SLC30A7: variants seen among roughly 807,000 people sequenced by gnomAD.
The protein encoded by SLC30A7 is solute carrier family 30 member 7.
A neutral mutation model predicts 46.0 loss-of-function variants in SLC30A7; 35 were observed. The observed-to-expected ratio is 0.76, with a 90% CI of 0.58 to 1.01. SLC30A7 has a LOEUF of 1.01. SLC30A7 is among the 50% of genes least tolerant of loss of function. The pLI, the probability that SLC30A7 is intolerant of heterozygous loss-of-function variation, is 0.00. For missense variants in SLC30A7, 464 were observed against 451.1 expected (o/e 1.03, Z -0.26); for synonymous variants, 147 against 157.8 (o/e 0.93, Z 0.51).
At position 100,918,279 on chromosome 1, in the gene SLC30A7, A is replaced by G. The variant is rs1652720604; in HGVS notation, c.706+152A>G. 6 of 562,576 alleles carry G rather than the reference A, an allele frequency of 1.1e-5. No homozygotes were observed. The South Asian group carries it at 1.2e-4, about 11-fold the overall frequency. The allele number at this position is 562,576 out of a possible 1,614,324, so 34.8% of individuals were successfully genotyped here. A position where few individuals can be genotyped will look rare whatever the true frequency, so the allele number is the denominator to read the frequency against. On this transcript the variant is annotated intron_variant, in intron 7 of 10. Transcript: ENST00000357650. ...TTCTAGTGATTGTTTTTTATATACT[A>G]TTAGATATATTAGCAGACATTCTTT...
chr1:100,983,282 C>CT (rs368437497), downstream of SLC30A7, among the ~76,000 whole-genome samples: 2 of 148,204 alleles, frequency 1.3e-5, no homozygotes, highest in Admixed American at 6.9e-5. Flanking sequence ...CAATTTACTA[C>CT]TTTTTTTCAT....
chr1:100,982,072 C>G (rs78707545), downstream of SLC30A7, among the ~76,000 whole-genome samples: 3 of 152,160 alleles, frequency 2.0e-5, no homozygotes, highest in Non-Finnish European at 4.4e-5. Context: ...TCTTATATGA[C>G]GTGAAGACCA....
In SLC30A7 at chr1:100,961,903, T is replaced by C; in HGVS notation, c.918T>C (p.Pro306=). The C allele has an allele frequency of 1.3e-6, 2 of 1,598,168 alleles. No individual in the cohort carries two copies. The highest frequency in any genetic ancestry group is 1.7e-6 in the Non-Finnish European group (2 of 1,168,742). ...CTCCCCTATTAGAAAATAGTCTGCCTCAGTGCTATCAGAGGGTGAGTTTCA... is the reference window on the plus strand; with the variant it reads ...CTCCCCTATTAGAAAATAGTCTGCCCCAGTGCTATCAGAGGGTGAGTTTCA... ...RTPPLLENSL[P]QCYQRVQQLQ... is the part of the protein sequence containing the mutation. Residue 306 remains proline (P), a synonymous_variant, in exon 9 of 11, where the codon CCT becomes CCC. Coordinates refer to ENST00000357650, the MANE Select transcript of SLC30A7 (RefSeq NM_133496.5).
chr1:100,947,027 G>A (rs1039293719), intron 8 of SLC30A7, among the ~76,000 whole-genome samples: 3 of 152,160 alleles, frequency 2.0e-5, no homozygotes, highest in Admixed American at 6.5e-5. Context: ...GGGTGTATGT[G>A]TCAAGGAATT....
rs1656907859 is a variant in SLC30A7 at position 100,981,129 on chromosome 1, A to T, written c.*6272A>T. 6.6e-6 allele frequency: 1 copy of T among 151,674 alleles called. No individual in the cohort carries two copies. Among genetic ancestry groups the T allele is most frequent in the African/African-American group, 2.4e-5 (1 of 41,290 alleles). The allele number at this position is 151,674 out of a possible 1,614,324, so 9.4% of individuals were successfully genotyped here. A position where few individuals can be genotyped will look rare whatever the true frequency, so the allele number is the denominator to read the frequency against. ...CTTCTACTTTATACTAGCGGGGAAA[A>T]TTTTTTTATTTAGAATTTTAATATT... On this transcript the variant is annotated 3_prime_UTR_variant, in exon 11 of 11. Transcript: ENST00000357650.
At chr1:100,958,366 C>T (rs1341915135) in intron 8 of SLC30A7, among the ~76,000 whole-genome samples, 1 of 152,070 alleles carries the variant, frequency 6.6e-6, no homozygotes, top group Non-Finnish European at 1.5e-5. Context: ...TTAGTGGAGA[C>T]GGGATTTCAC....
At chr1:100,940,284 A>G (rs1357677487) in intron 8 of SLC30A7, among the ~76,000 whole-genome samples, 1 of 152,226 alleles carries the variant, frequency 6.6e-6, no homozygotes, top group African/African-American at 2.4e-5. Flanking sequence ...AGTGTTTTAA[A>G]AGTAAAACAT....
At position 100,896,355 on chromosome 1, in the gene SLC30A7, G is replaced by A. The variant is rs781082360; in HGVS notation, c.80+13G>A. ...CGGGCTGGTTTAGGTGCGGGGTGCT[G>A]TGTTTGCGGGGAGGGGGTGTCCGGC... On this transcript the variant is annotated intron_variant, in intron 1 of 10. Coordinates refer to ENST00000357650, the MANE Select transcript of SLC30A7 (RefSeq NM_133496.5). The A allele has an allele frequency of 6.2e-7, 1 of 1,613,978 alleles. No homozygotes were observed. Among genetic ancestry groups the A allele is most frequent in the Non-Finnish European group, 8.5e-7 (1 of 1,179,942 alleles).
At chr1:100,985,504 C>T (rs1302558926), downstream of SLC30A7, among the ~76,000 whole-genome samples, 2 of 152,210 alleles carry the variant, frequency 1.3e-5, no homozygotes, top group Non-Finnish European at 2.9e-5. Flanking sequence ...ACCACACCAC[C>T]TGTTTTTAAG....
At chr1:100,982,543 CT>C (rs1406323288), downstream of SLC30A7, among the ~76,000 whole-genome samples, 2 of 152,196 alleles carry the variant, frequency 1.3e-5, no homozygotes. Flanking sequence ...AAGCAATGCC[CT>C]GTCACCTCCA....
At chr1:100,923,017 T>C (rs1653046098) in intron 8 of SLC30A7, among the ~76,000 whole-genome samples, 1 of 103,448 alleles carries the variant, frequency 9.7e-6, no homozygotes, top group Non-Finnish European at 2.1e-5. Flanking sequence ...TTTTTTTTTT[T>C]TTTTTTTTTT....
At chr1:100,928,802 C>CA (rs1653482028) in intron 8 of SLC30A7, among the ~76,000 whole-genome samples, 1 of 152,088 alleles carries the variant, frequency 6.6e-6, no homozygotes, top group Non-Finnish European at 1.5e-5. Flanking sequence ...TCTTTACAAT[C>CA]ATTTTTAGGC....
At chr1:100,994,920 C>T in the SLC30A7 span, among the ~76,000 whole-genome samples, 73 of 152,246 alleles carry the variant, frequency 4.8e-4, no homozygotes, top group Middle Eastern at 3.4e-3. Context: ...GTGTTGAATC[C>T]ACAAAATATA....
At chr1:100,947,375 G>A (rs1469873266) in intron 8 of SLC30A7, among the ~76,000 whole-genome samples, 2 of 152,192 alleles carry the variant, frequency 1.3e-5, no homozygotes, top group Non-Finnish European at 2.9e-5. Context: ...TTTTGAGTGA[G>A]TTTCTTAATC....
chr1:100,966,846 C>CT (rs751346067), intron 10 of SLC30A7, among the ~76,000 whole-genome samples: 2 of 152,178 alleles, frequency 1.3e-5, no homozygotes, highest in Non-Finnish European at 2.9e-5. Context: ...TAAAAGCAGA[C>CT]TGTTAACTTT....
At chr1:100,968,900 A>T (rs762533838) in intron 10 of SLC30A7, among the ~76,000 whole-genome samples, 10 of 152,246 alleles carry the variant, frequency 6.6e-5, no homozygotes, top group Non-Finnish European at 1.0e-4. Context: ...ATCTTTATAT[A>T]TGCTAAGTAT....
At chr1:100,908,441 A>G (rs1177412249) in intron 3 of SLC30A7, among the ~76,000 whole-genome samples, 4 of 152,214 alleles carry the variant, frequency 2.6e-5, no homozygotes, top group Non-Finnish European at 5.9e-5. Context: ...TAATAGCTAT[A>G]TATTGTGACA....
chr1:100,993,559 A>ATATATATAT, the SLC30A7 span, among the ~76,000 whole-genome samples: 2 of 56,546 alleles, frequency 3.5e-5, no homozygotes, highest in Non-Finnish European at 6.9e-5. Context: ...CGAAAATATA[A>ATATATATAT]ATATATATAT....
intron 8 of SLC30A7, among the ~76,000 whole-genome samples, chr1:100,945,969 G>A (rs1411427016): frequency 6.6e-6 from 1 of 152,252 alleles, no homozygotes; most frequent in Non-Finnish European, 1.5e-5. Flanking sequence ...ATTGAGCAGT[G>A]GTTTGTAGTT....
Sources: gnomAD v4.1 joint callset for allele counts (sites outside exome capture counted in the v4.1 genomes callset) on GRCh38, gnomAD v4.1.1 for gene constraint, MANE v1.5 for transcripts, NCBI Gene and HGNC (gene_info 2026-07-23, HGNC 2026-07-21) for gene names.